KCNQ5: variants seen among roughly 807,000 people sequenced by gnomAD.
KCNQ5 encodes the protein potassium voltage-gated channel subfamily Q member 5, also known as potassium voltage-gated channel subfamily KQT member 5.
In KCNQ5, 30 loss-of-function variants were observed where a neutral mutation model predicts 98.2. The ratio of observed to expected loss-of-function variants is 0.31; its 90% CI spans 0.23 to 0.41. The LOEUF (loss-of-function observed/expected upper bound fraction) is 0.41, where lower values mean the gene tolerates loss of function less well. Among genes scored for constraint, KCNQ5 ranks in the 10% least tolerant of loss-of-function variants. The pLI, the probability that KCNQ5 is intolerant of heterozygous loss-of-function variation, is 1.00. For missense variants in KCNQ5, 835 were observed against 1,182.5 expected, an observed-to-expected ratio of 0.71 and a Z score of 4.31; for synonymous variants, 458 against 449.4, an observed-to-expected ratio of 1.02 and a Z score of -0.24.
chr6:72,672,334 G>A (rs1767165635), intron 1 of KCNQ5, among the ~76,000 whole-genome samples: 1 of 151,934 alleles, frequency 6.6e-6, no homozygotes, highest in African/African-American at 2.4e-5. Context: ...CTGACCTCGA[G>A]TGATCCACGC....
At chr6:73,039,306 T>A (rs1304604662) in intron 2 of KCNQ5, among the ~76,000 whole-genome samples, 1 of 152,118 alleles carries the variant, frequency 6.6e-6, no homozygotes, top group Non-Finnish European at 1.5e-5. Flanking sequence ...TGTTTTCCTC[T>A]TTTCAGTTTC....
intron 3 of KCNQ5, among the ~76,000 whole-genome samples, chr6:73,063,455 G>A (rs569319079): frequency 4.7e-4 from 71 of 152,120 alleles, no homozygotes; most frequent in Admixed American, 1.8e-3. Context: ...GCACAGATAA[G>A]AGCAGCAATA....
intron 1 of KCNQ5, among the ~76,000 whole-genome samples, chr6:72,749,582 A>C (rs1164261727): frequency 1.3e-5 from 2 of 152,120 alleles, no homozygotes; most frequent in East Asian, 1.9e-4. Context: ...ATTACATTTT[A>C]TCTCTCCTGC....
intron 1 of KCNQ5, among the ~76,000 whole-genome samples, chr6:72,838,949 C>CGAAAAA (rs1776654839): frequency 1.7e-5 from 1 of 58,712 alleles, no homozygotes; most frequent in African/African-American, 6.3e-5. Context: ...GACTCCGTCT[C>CGAAAAA]AAAAAAAAAA....
chr6:73,074,182 T>A (rs1385486337), intron 3 of KCNQ5, among the ~76,000 whole-genome samples: 1 of 152,180 alleles, frequency 6.6e-6, no homozygotes. Flanking sequence ...TAAAACACTG[T>A]GGAACCACCA....
At chr6:72,639,019 A>G (rs1219377025) in intron 1 of KCNQ5, among the ~76,000 whole-genome samples, 2 of 152,206 alleles carry the variant, frequency 1.3e-5, no homozygotes, top group East Asian at 3.8e-4. Flanking sequence ...GAAGTTACTC[A>G]ATTCTGTTTT....
intron 2 of KCNQ5, among the ~76,000 whole-genome samples, chr6:73,026,605 A>G (rs926317271): frequency 6.6e-6 from 1 of 152,100 alleles, no homozygotes; most frequent in Non-Finnish European, 1.5e-5. Flanking sequence ...TGTTCATTAT[A>G]TTATCTGCTT....
At chr6:72,924,261 T>C (rs1032516382) in intron 1 of KCNQ5, among the ~76,000 whole-genome samples, 16 of 152,310 alleles carry the variant, frequency 1.1e-4, no homozygotes, top group African/African-American at 3.4e-4. Flanking sequence ...TTTTAGTTTT[T>C]TGAGATTGAA....
At chr6:73,007,782 G>T (rs953274826) in intron 2 of KCNQ5, among the ~76,000 whole-genome samples, 3 of 152,098 alleles carry the variant, frequency 2.0e-5, no homozygotes, top group Admixed American at 1.3e-4. Context: ...TCACAGAGGC[G>T]CAGACAAAAA....
At chr6:73,003,853 G>T in intron 1 of KCNQ5, 55 bp from the exon 2 acceptor site, 1 of 1,166,152 alleles carries the variant, frequency 8.6e-7, no homozygotes, top group East Asian at 2.3e-5. Context: ...AAGAAATTAA[G>T]TCTGTGATAA....
chr6:72,881,101 A>C (rs1247323821), intron 1 of KCNQ5, among the ~76,000 whole-genome samples: 1 of 152,210 alleles, frequency 6.6e-6, no homozygotes, highest in Non-Finnish European at 1.5e-5. Flanking sequence ...AACAGGGCTA[A>C]ATATTTTATA....
At chr6:73,068,832 T>C (rs934719908) in intron 3 of KCNQ5, among the ~76,000 whole-genome samples, 2 of 152,242 alleles carry the variant, frequency 1.3e-5, no homozygotes, top group Admixed American at 1.3e-4. Context: ...AGTATGCTGC[T>C]GCAAACTTGT....
intron 2 of KCNQ5, among the ~76,000 whole-genome samples, chr6:73,034,846 T>C (rs866359127): frequency 0.045 from 6,624 of 146,322 alleles, 215 homozygotes; most frequent in African/African-American, 0.1. Flanking sequence ...TTTCTTTTTT[T>C]TTTTTTTTTT....
At chr6:72,934,492 C>T (rs373896513) in intron 1 of KCNQ5, among the ~76,000 whole-genome samples, 7 of 152,070 alleles carry the variant, frequency 4.6e-5, no homozygotes, top group African/African-American at 9.7e-5. Context: ...AAAATGCCCA[C>T]GGTCACACAA....
At chr6:73,012,051 C>T (rs1770085500) in intron 2 of KCNQ5, among the ~76,000 whole-genome samples, 1 of 151,932 alleles carries the variant, frequency 6.6e-6, no homozygotes, top group Admixed American at 6.6e-5. Context: ...CTATGGAAAA[C>T]AATACAGCTT....
At chr6:72,814,232 G>A (rs1465440969) in intron 1 of KCNQ5, among the ~76,000 whole-genome samples, 1 of 152,198 alleles carries the variant, frequency 6.6e-6, no homozygotes, top group African/African-American at 2.4e-5. Context: ...CTGAGAATAG[G>A]ATGAATTAGC....
chr6:73,083,515 G>A (rs1024927272), intron 5 of KCNQ5, among the ~76,000 whole-genome samples: 41 of 152,166 alleles, frequency 2.7e-4, no homozygotes, highest in Middle Eastern at 3.4e-3. Context: ...TTAAAATTAA[G>A]GAAAATAAAT....
At chr6:72,750,403 G>A (rs1771615472) in intron 1 of KCNQ5, among the ~76,000 whole-genome samples, 1 of 151,982 alleles carries the variant, frequency 6.6e-6, no homozygotes, top group African/African-American at 2.4e-5. Context: ...GGAAATGCAG[G>A]ACTACTTAAA....
rs1379810066 is a variant in KCNQ5 at position 72,627,659 on chromosome 6, T to A, written c.398+5072T>A. ...GGGAAAATGGACCCAGTAGTGTAGG[T>A]TAGACTCCAGATTCCTTGGAAGAGT... On this transcript the variant is annotated intron_variant, in intron 1 of 13. Transcript: ENST00000370398. 2.6e-5 allele frequency among the ~76,000 whole-genome samples: 4 copies of A among 152,088 alleles called. No homozygotes were observed. In the East Asian group the frequency reaches 7.7e-4, roughly 29 times the overall value.
Sources: gnomAD v4.1 joint callset for allele counts (sites outside exome capture counted in the v4.1 genomes callset) on GRCh38, gnomAD v4.1.1 for gene constraint, MANE v1.5 for transcripts, NCBI Gene and HGNC (gene_info 2026-07-23, HGNC 2026-07-21) for gene names.